Variants in NR5A2 observed in about 807,000 individuals in gnomAD.
The protein encoded by NR5A2 is CYP7A promoter-binding factor.
In NR5A2, 26 loss-of-function variants were observed where a neutral mutation model predicts 62.7. The observed-to-expected ratio is 0.41, with a 90% CI of 0.30 to 0.58. The LOEUF is 0.58. Among genes scored for constraint, NR5A2 ranks in the 20% least tolerant of loss-of-function variants. NR5A2 has a pLI of 0.22. For missense variants in NR5A2, 541 were observed against 669.1 expected, an observed-to-expected ratio of 0.81 and a Z score of 2.11; for synonymous variants, 246 against 241.7, an observed-to-expected ratio of 1.02 and a Z score of -0.16.
intron 7 of NR5A2, among the ~76,000 whole-genome samples, chr1:200,163,352 A>G (rs1653736474): frequency 6.6e-6 from 1 of 151,886 alleles, no homozygotes; most frequent in South Asian, 2.1e-4. Flanking sequence ...GCTTATTCTC[A>G]TATTTCCTGA....
In NR5A2 at chr1:200,176,430, G is replaced by T. The variant is rs934567766; in HGVS notation, c.*2220G>T. On this transcript the variant is annotated 3_prime_UTR_variant, in exon 8 of 8. Transcript: ENST00000367362. Reference sequence around the variant, plus strand: ...GTGGCTCAAAGGACAATGCAAAATCGCCGATCAGAGCTCATACCCAAAGCA... The same window carrying T: ...GTGGCTCAAAGGACAATGCAAAATCTCCGATCAGAGCTCATACCCAAAGCA... 1 of 152,438 alleles carries T rather than the reference G, an allele frequency of 6.6e-6. No homozygotes were observed. Among genetic ancestry groups the T allele is most frequent in the Non-Finnish European group, 1.5e-5 (1 of 68,008 alleles). 9.4% of individuals were successfully genotyped at this position (152,438 alleles called of 1,614,324 possible).
intron 1 of NR5A2, chr1:200,029,371 G>A (rs1055023648): frequency 1.2e-5 from 2 of 160,168 alleles, no homozygotes; most frequent in African/African-American, 4.8e-5. Context: ...CACACCCCAT[G>A]GGTGAATTAA....
chr1:200,113,001 G>C (rs1486923730), intron 6 of NR5A2, among the ~76,000 whole-genome samples: 1 of 152,150 alleles, frequency 6.6e-6, no homozygotes, highest in African/African-American at 2.4e-5. Context: ...CTTAAGTGCT[G>C]CCCGTGGGTG....
At chr1:200,045,410 A>G (rs932404110) in intron 3 of NR5A2, 33 bp from the exon 4 acceptor site, 1 of 1,545,540 alleles carries the variant, frequency 6.5e-7, no homozygotes, top group South Asian at 1.2e-5. Context: ...TGTTAGATTT[A>G]TAATACGTCT....
intron 6 of NR5A2, among the ~76,000 whole-genome samples, chr1:200,115,527 A>G (rs1234183018): frequency 6.6e-5 from 10 of 152,190 alleles, no homozygotes; most frequent in Non-Finnish European, 8.8e-5. Context: ...AGATAAATAC[A>G]TTTTTTAATT....
At chr1:200,127,843 G>A (rs1034525102) in intron 7 of NR5A2, among the ~76,000 whole-genome samples, 4 of 149,456 alleles carry the variant, frequency 2.7e-5, no homozygotes, top group South Asian at 4.3e-4. Context: ...GTATAGGCAG[G>A]GGTCCTGGAA....
intron 7 of NR5A2, among the ~76,000 whole-genome samples, chr1:200,161,875 T>C (rs1197177158): frequency 1.3e-5 from 2 of 152,230 alleles, no homozygotes; most frequent in Non-Finnish European, 2.9e-5. Flanking sequence ...ATGCATTGGT[T>C]GTCTTTTATG....
intron 5 of NR5A2, among the ~76,000 whole-genome samples, chr1:200,073,235 CATATATAT>C (rs3033980): frequency 6.6e-5 from 7 of 105,952 alleles, no homozygotes; most frequent in Admixed American, 3.9e-4. Flanking sequence ...CATTTACATA[CATATATAT>C]ATATATATAT....
Position 200,038,794 on chromosome 1 carries a change from A to AT in NR5A2, c.65-863dup, listed in dbSNP as rs199854462. The AT allele has an allele frequency of 9.6e-4, 1,257 of 1,305,044 alleles. 8 individuals carry two copies. The East Asian group carries it at 0.023, about 24-fold the overall frequency. 80.8% of individuals were successfully genotyped at this position (1,305,044 alleles called of 1,614,324 possible). ...AGCTGTAAGACCCGGCTGCATTTAC[A>AT]TCCCCCCGCCCCGGGCCAGGGTGGG... On this transcript the variant is annotated intron_variant, in intron 1 of 7. Transcript: ENST00000367362.
At chr1:200,102,133 A>T (rs1418706020) in intron 5 of NR5A2, among the ~76,000 whole-genome samples, 1 of 152,222 alleles carries the variant, frequency 6.6e-6, no homozygotes, top group Non-Finnish European at 1.5e-5. Context: ...ATCCCTGGGG[A>T]CTAGGTATAT....
chr1:200,149,544 A>C (rs1646419828), intron 7 of NR5A2, among the ~76,000 whole-genome samples: 1 of 152,222 alleles, frequency 6.6e-6, no homozygotes, highest in Non-Finnish European at 1.5e-5. Flanking sequence ...ATGTTGTCAC[A>C]TCCACGTATT....
At chr1:200,043,671 A>G (rs530771643) in intron 2 of NR5A2, 103 bp from the exon 3 acceptor site, 69 of 634,626 alleles carry the variant, frequency 1.1e-4, no homozygotes, top group African/African-American at 1.1e-3. Flanking sequence ...ATATTTTACC[A>G]TGTGATATTT....
intron 5 of NR5A2, among the ~76,000 whole-genome samples, chr1:200,107,448 G>A (rs1241540779): frequency 6.6e-6 from 1 of 152,082 alleles, no homozygotes; most frequent in African/African-American, 2.4e-5. Flanking sequence ...TGCCGTGTTA[G>A]ACACAAAGGA....
At chr1:200,119,270 C>T (rs1320413884) in intron 6 of NR5A2, among the ~76,000 whole-genome samples, 3 of 152,206 alleles carry the variant, frequency 2.0e-5, no homozygotes, top group Non-Finnish European at 2.9e-5. Context: ...AGTTCTCCTG[C>T]TTAGGAGGCA....
At chr1:200,160,436 A>G (rs2102378573) in intron 7 of NR5A2, among the ~76,000 whole-genome samples, 1 of 152,354 alleles carries the variant, frequency 6.6e-6, no homozygotes, top group Middle Eastern at 3.4e-3. Context: ...AAAGTCAGTA[A>G]GAAACATGTC....
rs995472299 is a variant in NR5A2 at position 200,045,518 on chromosome 1, A to G, written c.397A>G (p.Thr133Ala). Residue 133 changes from threonine (T) to alanine (A), a missense_variant, in exon 4 of 8, where the codon ACA becomes GCA. Around this residue, in one of 3 missense-constraint regions of NR5A2, gnomAD observed 54 missense variants for 123.8 expected, o/e 0.44. Transcript: ENST00000367362. The part of the protein sequence containing the change: ...IENQNCQIDK[T>A]QRKRCPYCRF... The stretch of plus-strand genomic sequence containing the variant: ...AAACCAGAACTGCCAAATTGACAAA[A>G]CACAGAGAAAGCGTTGTCCTTACTG... 6 of 1,613,534 alleles carry G rather than the reference A, an allele frequency of 3.7e-6. No individual in the cohort carries two copies. In the South Asian group the frequency reaches 6.6e-5, roughly 18 times the overall value.
intron 5 of NR5A2, among the ~76,000 whole-genome samples, chr1:200,049,301 T>C (rs964819475): frequency 2.6e-5 from 4 of 152,224 alleles, no homozygotes; most frequent in Non-Finnish European, 2.9e-5. Context: ...TGGTTAGTAG[T>C]ATCAAGTAGG....
rs757354643 is a variant in NR5A2 at position 200,048,437 on chromosome 1, C to G, written c.729C>G (p.Ser243=). Residue 243 remains serine (S), a synonymous_variant, in exon 5 of 8, where the codon TCC becomes TCG. Coordinates refer to ENST00000367362, the MANE Select transcript of NR5A2 (RefSeq NM_205860.3). The surrounding 1 kb of genome is among the most constrained non-coding windows in gnomAD (Gnocchi z 4.8). ...ATGACAGAAGTCCCTTTGTAACATC[C>G]CCCATTAGCATGACAATGCCCCCTC... ...TDYDRSPFVT[S]PISMTMPPHG... The G allele has an allele frequency of 1.2e-6, 2 of 1,614,174 alleles. No homozygotes were observed. The highest frequency in any genetic ancestry group is 1.7e-6 in the Non-Finnish European group (2 of 1,180,028).
intron 5 of NR5A2, among the ~76,000 whole-genome samples, chr1:200,061,607 C>T (rs1033740398): frequency 2.0e-5 from 3 of 152,140 alleles, no homozygotes; most frequent in Non-Finnish European, 2.9e-5. Context: ...AAACTTGATC[C>T]AACTTCTAAT....
Sources: gnomAD v4.1 joint callset for allele counts (sites outside exome capture counted in the v4.1 genomes callset) on GRCh38, gnomAD v4.1.1 for gene constraint, gnomAD v4.1.1 regional missense constraint, Gnocchi (gnomAD v3.1) non-coding constraint, MANE v1.5 for transcripts, NCBI Gene and HGNC (gene_info 2026-07-23, HGNC 2026-07-21) for gene names.